MACROD2: variants seen among roughly 807,000 people sequenced by gnomAD.
MACROD2 encodes ADP-ribose glycohydrolase MACROD2.
In MACROD2, 36 loss-of-function variants were observed where a neutral mutation model predicts 70.4. The observed-to-expected ratio is 0.51, with a 90% CI of 0.39 to 0.68. The LOEUF (loss-of-function observed/expected upper bound fraction) is 0.68. MACROD2 is among the 30% of genes least tolerant of loss of function. The pLI is 0.00. For missense variants in MACROD2, 496 were observed against 538.4 expected (o/e 0.92, Z 0.78); for synonymous variants, 172 against 178.8 (o/e 0.96, Z 0.30).
At chr20:15,707,441 T>C (rs1401194047) in intron 8 of MACROD2, among the ~76,000 whole-genome samples, 1 of 152,170 alleles carries the variant, frequency 6.6e-6, no homozygotes, top group Non-Finnish European at 1.5e-5. Flanking sequence ...TAAATAAGAC[T>C]GTCCATGCCC....
intron 8 of MACROD2, among the ~76,000 whole-genome samples, chr20:15,806,835 T>C (rs925895885): frequency 1.3e-5 from 2 of 152,172 alleles, no homozygotes; most frequent in African/African-American, 4.8e-5. Context: ...AATTCGGCCA[T>C]GTGGATAAGG....
chr20:15,164,530 G>A (rs1351721228), intron 5 of MACROD2, among the ~76,000 whole-genome samples: 1 of 152,076 alleles, frequency 6.6e-6, no homozygotes, highest in Non-Finnish European at 1.5e-5. Flanking sequence ...ATGCAATCAA[G>A]GTGTATGTTT....
At chr20:14,180,988 A>G (rs939148645) in intron 3 of MACROD2, among the ~76,000 whole-genome samples, 2 of 152,094 alleles carry the variant, frequency 1.3e-5, no homozygotes, top group African/African-American at 2.4e-5. Flanking sequence ...ATTTATACAG[A>G]AAGATTGCTT....
intron 3 of MACROD2, among the ~76,000 whole-genome samples, chr20:14,342,655 C>G (rs934245627): frequency 6.6e-6 from 1 of 152,148 alleles, no homozygotes; most frequent in Non-Finnish European, 1.5e-5. Context: ...TAGCAGGTCA[C>G]GGATGCCTTA....
At chr20:14,971,241 GT>G (rs577551278) in intron 5 of MACROD2, among the ~76,000 whole-genome samples, 1 of 151,918 alleles carries the variant, frequency 6.6e-6, no homozygotes, top group Non-Finnish European at 1.5e-5. Flanking sequence ...AACCATGCAT[GT>G]TTTTTTTCTG....
intron 3 of MACROD2, among the ~76,000 whole-genome samples, chr20:14,405,229 C>T (rs1234927878): frequency 3.3e-5 from 5 of 152,048 alleles, no homozygotes; most frequent in African/African-American, 1.2e-4. Context: ...CTTGAGTGAT[C>T]GGTTAGCATT....
rs549104843 is a variant in MACROD2, at chr20:15,404,425, G to A, written c.541-26980G>A. ...ATTAGTAAACCAACCAATGTTAAAT[G>A]TTTAAGAAACTGTACCAGGGAAGAG... is the stretch of plus-strand genomic sequence containing the variant. On this transcript the variant is annotated intron_variant, in intron 6 of 17. Transcript: ENST00000684519. Among the ~76,000 whole-genome samples the A allele has an allele frequency of 1.3e-5, 2 of 152,322 alleles. 1 individual carries two copies. Among genetic ancestry groups the A allele is most frequent in the South Asian group, 4.1e-4 (2 of 4,830 alleles).
At chr20:14,404,820 C>T (rs2083675583) in intron 3 of MACROD2, among the ~76,000 whole-genome samples, 1 of 151,636 alleles carries the variant, frequency 6.6e-6, no homozygotes, top group African/African-American at 2.4e-5. Flanking sequence ...GCACAAAATG[C>T]AACACTAGAA....
Position 15,742,407 on chromosome 20 carries a change from C to T in MACROD2, c.646-120338C>T, listed in dbSNP as rs74415131. Among the ~76,000 whole-genome samples, 261 of 152,254 alleles carry T rather than the reference C, an allele frequency of 1.7e-3. 2 individuals carry two copies. The East Asian group carries it at 0.038, about 22-fold the overall frequency. ...CATGTTTCCCTCAATCTGGATGTTTCGAGAGAACTTATTTTTGATCTAAAT... is the reference window on the plus strand; with the variant it reads ...CATGTTTCCCTCAATCTGGATGTTTTGAGAGAACTTATTTTTGATCTAAAT... On this transcript the variant is annotated intron_variant, in intron 8 of 17. Transcript: ENST00000684519.
intron 6 of MACROD2, among the ~76,000 whole-genome samples, chr20:15,235,741 A>G (rs1034635893): frequency 6.6e-6 from 1 of 152,172 alleles, no homozygotes; most frequent in Non-Finnish European, 1.5e-5. Flanking sequence ...ACATCAATCA[A>G]TGCAGTTCTC....
chr20:16,013,049 G>A (rs914087269), intron 15 of MACROD2, among the ~76,000 whole-genome samples: 63 of 152,206 alleles, frequency 4.1e-4, no homozygotes, highest in African/African-American at 1.4e-3. Context: ...GCATGGTGGC[G>A]TGTGCCTGTA....
chr20:14,656,916 C>T (rs1238451432), intron 4 of MACROD2, among the ~76,000 whole-genome samples: 1 of 152,094 alleles, frequency 6.6e-6, no homozygotes, highest in East Asian at 1.9e-4. Flanking sequence ...TTAAGACGTA[C>T]ATGAGTGTCT....
rs527634976 is a variant in MACROD2 at position 14,433,045 on chromosome 20, C to T, written c.272-60434C>T. 3.4e-4 allele frequency among the ~76,000 whole-genome samples: 51 copies of T among 152,114 alleles called. 1 individual carries two copies. In the South Asian group the frequency reaches 1.0e-2, roughly 30 times the overall value. ...TCTGCACTGGGCCAAGCTCTTTACA[C>T]GTGTTGAGGTTTTAAGTGTGTGTCA... On this transcript the variant is annotated intron_variant, in intron 3 of 17. Coordinates refer to ENST00000684519, the MANE Select transcript of MACROD2 (RefSeq NM_001351661.2).
At chr20:14,477,453 C>T (rs550326438) in intron 3 of MACROD2, among the ~76,000 whole-genome samples, 65 of 152,132 alleles carry the variant, frequency 4.3e-4, no homozygotes, top group Admixed American at 9.8e-4. Flanking sequence ...CAAGATTTTA[C>T]ATAGAAAACA....
chr20:14,700,448 T>C (rs1173251634), intron 5 of MACROD2, among the ~76,000 whole-genome samples: 2 of 152,064 alleles, frequency 1.3e-5, no homozygotes, highest in Non-Finnish European at 1.5e-5. Flanking sequence ...AAGCTGAATA[T>C]CAATCACTCA....
chr20:15,145,348 GAA>G (rs1259565270), intron 5 of MACROD2, among the ~76,000 whole-genome samples: 3 of 151,946 alleles, frequency 2.0e-5, no homozygotes, highest in Non-Finnish European at 4.4e-5. Flanking sequence ...AGGGAGTAGA[GAA>G]AAAATGAATT....
Position 15,564,721 on chromosome 20 carries a change from A to G in MACROD2, c.645+64874A>G, listed in dbSNP as rs145353964. ...CAGAAAAGTTGCAAGAATGCTGGAG[A>G]GAAGGCTGGTAATATGTTTACCAGA... On this transcript the variant is annotated intron_variant, in intron 8 of 17. Transcript: ENST00000684519. Among the ~76,000 whole-genome samples the G allele has an allele frequency of 2.7e-3, 412 of 152,290 alleles. 2 individuals are homozygous for G. The East Asian group carries it at 0.031, about 12-fold the overall frequency.
chr20:15,068,201 G>A (rs2075592380), intron 5 of MACROD2, among the ~76,000 whole-genome samples: 1 of 152,082 alleles, frequency 6.6e-6, no homozygotes. Flanking sequence ...TTTGGGGATT[G>A]CAGATGGTCA....
At chr20:15,618,124 G>A (rs1313831265) in intron 8 of MACROD2, among the ~76,000 whole-genome samples, 1 of 144,952 alleles carries the variant, frequency 6.9e-6, no homozygotes, top group Non-Finnish European at 1.5e-5. Context: ...TTTTGGTGGG[G>A]TGTATTTCAA....
Sources: gnomAD v4.1 joint callset for allele counts (sites outside exome capture counted in the v4.1 genomes callset) on GRCh38, gnomAD v4.1.1 for gene constraint, MANE v1.5 for transcripts, NCBI Gene and HGNC (gene_info 2026-07-23, HGNC 2026-07-21) for gene names.